Variants in KCNJ15 observed in about 807,000 individuals in gnomAD.
KCNJ15 encodes the protein potassium inwardly rectifying channel subfamily J member 15.
In KCNJ15, 14 loss-of-function variants were observed where a neutral mutation model predicts 23.0. The ratio of observed to expected loss-of-function variants is 0.61; its 90% CI spans 0.40 to 0.95. The LOEUF (loss-of-function observed/expected upper bound fraction) is 0.95, where lower values mean the gene tolerates loss of function less well. Ranked by LOEUF, KCNJ15 falls within the 40% of genes least tolerant of loss-of-function variation. The pLI, the probability that KCNJ15 is intolerant of heterozygous loss-of-function variation, is 0.00. For synonymous variants in KCNJ15, 185 were observed against 183.2 expected (o/e 1.01, Z -0.08); for missense variants, 388 against 461.8 (o/e 0.84, Z 1.46).
intron 1 of KCNJ15, among the ~76,000 whole-genome samples, chr21:38,288,288 G>A (rs1358486484): frequency 6.6e-6 from 1 of 151,882 alleles, no homozygotes; most frequent in African/African-American, 2.4e-5. Flanking sequence ...TGATCCGCCT[G>A]CCTCGGCGTC....
chr21:38,273,920 T>A (rs957972958), intron 1 of KCNJ15, among the ~76,000 whole-genome samples: 2 of 152,254 alleles, frequency 1.3e-5, no homozygotes, highest in African/African-American at 4.8e-5. Context: ...CTTCTAAAAC[T>A]AGACAGCAGC....
At chr21:38,232,083 A>T (rs998046037) in intron 1 of KCNJ15, among the ~76,000 whole-genome samples, 1 of 151,382 alleles carries the variant, frequency 6.6e-6, no homozygotes, top group African/African-American at 2.4e-5. Flanking sequence ...TAGTGAAATT[A>T]TCTGGGTCTG....
chr21:38,253,646 T>G (rs1979986945), upstream of KCNJ15, among the ~76,000 whole-genome samples: 1 of 152,246 alleles, frequency 6.6e-6, no homozygotes, highest in Non-Finnish European at 1.5e-5. Context: ...TTAAGGTTTT[T>G]TATGTCTTGA....
chr21:38,251,662 T>A (rs1043577695), intron 1 of KCNJ15, among the ~76,000 whole-genome samples: 1 of 152,226 alleles, frequency 6.6e-6, no homozygotes, highest in Non-Finnish European at 1.5e-5. Context: ...TTCCAATTAT[T>A]TTTTATTGCA....
chr21:38,265,994 G>A (rs978317346), intron 1 of KCNJ15, among the ~76,000 whole-genome samples: 1 of 152,156 alleles, frequency 6.6e-6, no homozygotes, highest in Non-Finnish European at 1.5e-5. Flanking sequence ...AGGAGGGTGC[G>A]GGAGGTCGGC....
intron 1 of KCNJ15, 68 bp from the exon 2 acceptor site, chr21:38,296,858 C>G (rs957105815): frequency 1.3e-5 from 2 of 152,650 alleles, no homozygotes; most frequent in Admixed American, 1.3e-4. Context: ...AGAAAATCAT[C>G]GGGGGTCAGT....
chr21:38,263,074 G>A (rs1318606164), intron 1 of KCNJ15, among the ~76,000 whole-genome samples: 2 of 152,114 alleles, frequency 1.3e-5, no homozygotes, highest in African/African-American at 2.4e-5. Flanking sequence ...ATCTGATTAC[G>A]GAAGACTCAG....
chr21:38,251,115 C>T (rs563512565), intron 1 of KCNJ15, among the ~76,000 whole-genome samples: 2 of 152,248 alleles, frequency 1.3e-5, no homozygotes, highest in African/African-American at 2.4e-5. Flanking sequence ...CAAAGCAAGG[C>T]GGGATTACTC....
chr21:38,277,863 C>T (rs1311155660), intron 1 of KCNJ15, among the ~76,000 whole-genome samples: 2 of 151,982 alleles, frequency 1.3e-5, no homozygotes, highest in Non-Finnish European at 2.9e-5. Flanking sequence ...TATTAATCCA[C>T]GGATTAAGTC....
At chr21:38,275,790 C>G (rs1982625170) in intron 1 of KCNJ15, among the ~76,000 whole-genome samples, 1 of 152,206 alleles carries the variant, frequency 6.6e-6, no homozygotes, top group Non-Finnish European at 1.5e-5. Flanking sequence ...TTGAAACATA[C>G]TTTGCCACCC....
At chr21:38,289,584 T>A (rs1984363403) in intron 1 of KCNJ15, among the ~76,000 whole-genome samples, 1 of 151,870 alleles carries the variant, frequency 6.6e-6, no homozygotes, top group Non-Finnish European at 1.5e-5. Flanking sequence ...AATACAAAAA[T>A]TAGCTGGGTG....
At position 38,271,787 on chromosome 21, in the gene KCNJ15, G is replaced by C. The variant is rs555520957; in HGVS notation, c.-117+14602G>C. On this transcript the variant is annotated intron_variant, in intron 1 of 2. Transcript: ENST00000398938. ...CATCCTGTGCAGAAGGTCACTATAG[G>C]AACACATGGCACAGGGAAGAAAACG... Among the ~76,000 whole-genome samples, 7 of 152,268 alleles carry C rather than the reference G, an allele frequency of 4.6e-5. No homozygotes were observed. In the East Asian group the frequency reaches 7.7e-4, roughly 17 times the overall value.
rs1288233445 is a variant in KCNJ15, at chr21:38,300,788, A to G, written c.*399A>G. Reference sequence around the variant, plus strand: ...TTTAACCAATGACCTTATGGCTGAGAGTTGAATTGTGGTTCAGTATTCATT... The same window carrying G: ...TTTAACCAATGACCTTATGGCTGAGGGTTGAATTGTGGTTCAGTATTCATT... On this transcript the variant is annotated 3_prime_UTR_variant, in exon 3 of 3. Transcript: ENST00000398938. The G allele has an allele frequency of 5.6e-6, 1 of 177,526 alleles. No homozygotes were observed. The highest frequency in any genetic ancestry group is 1.3e-5 in the Non-Finnish European group (1 of 75,070). 11.0% of individuals were successfully genotyped at this position (177,526 alleles called of 1,614,324 possible). A position where few individuals can be genotyped will look rare whatever the true frequency, so the allele number is the denominator to read the frequency against.
At chr21:38,232,176 A>C (rs2123533599) in intron 1 of KCNJ15, among the ~76,000 whole-genome samples, 1 of 150,982 alleles carries the variant, frequency 6.6e-6, no homozygotes, top group South Asian at 2.1e-4. Context: ...CTCTTGAGTC[A>C]GTTGCAGTGG....
rs1275701718 is a variant in KCNJ15, at chr21:38,299,415, C to G, written c.154C>G (p.Gln52Glu). 1 of 1,614,192 alleles carries G rather than the reference C, an allele frequency of 6.2e-7. No homozygotes were observed. The stretch of plus-strand genomic sequence containing the variant: ...GGATGGCATATACCTACTCTACCTG[C>G]AAGACCTGTGGACCACAGTTATCGA... ...KVDGIYLLYL[Q>E]DLWTTVIDMK... Residue 52 changes from glutamine to glutamate, a missense_variant, in exon 3 of 3, where the codon CAA becomes GAA. Physicochemically the swap from Gln to Glu is conservative, Grantham distance 29. Transcript: ENST00000398938. The surrounding 1 kb of genome is among the most constrained non-coding windows in gnomAD (Gnocchi z 4.5).
chr21:38,281,520 G>A (rs1488516661), intron 1 of KCNJ15, among the ~76,000 whole-genome samples: 1 of 152,134 alleles, frequency 6.6e-6, no homozygotes, highest in Non-Finnish European at 1.5e-5. Flanking sequence ...AGAACATATG[G>A]TATTTGGTTT....
chr21:38,250,295 G>A (rs758013409), intron 1 of KCNJ15, among the ~76,000 whole-genome samples: 1 of 152,152 alleles, frequency 6.6e-6, no homozygotes, highest in Non-Finnish European at 1.5e-5. Flanking sequence ...GCAGAATCAG[G>A]GTTTGAATGA....
At chr21:38,266,016 G>A (rs540530224) in intron 1 of KCNJ15, among the ~76,000 whole-genome samples, 1 of 152,172 alleles carries the variant, frequency 6.6e-6, no homozygotes, top group Non-Finnish European at 1.5e-5. Context: ...GTGTGCACAG[G>A]GGCTGAGCTT....
intron 1 of KCNJ15, among the ~76,000 whole-genome samples, chr21:38,242,699 C>T (rs1323624764): frequency 6.6e-6 from 1 of 152,142 alleles, no homozygotes; most frequent in African/African-American, 2.4e-5. Context: ...GCTGACTCCT[C>T]CATCCCCAGG....
Sources: allele counts gnomAD v4.1 joint callset (sites outside exome capture counted in the v4.1 genomes callset), GRCh38; gene constraint gnomAD v4.1.1; non-coding constraint Gnocchi (gnomAD v3.1); transcripts MANE v1.5; gene names NCBI Gene and HGNC (gene_info 2026-07-23, HGNC 2026-07-21).